The following SNAP25 variants were observed in gnomAD, a reference collection of about 807,000 sequenced individuals.
The protein encoded by SNAP25 is synaptosomal-associated protein 25.
SNAP25 carries 3 observed loss-of-function variants against 28.7 expected under a neutral mutation model. That is an observed-to-expected ratio of 0.10 (90% CI 0.05 to 0.27). SNAP25 has a LOEUF of 0.27. SNAP25 is among the 10% of genes least tolerant of loss of function. SNAP25 has a pLI of 1.00. For missense variants in SNAP25, 117 were observed against 278.7 expected (o/e 0.42, Z 4.13); for synonymous variants, 61 against 88.1 (o/e 0.69, Z 1.72).
intron 1 of SNAP25, among the ~76,000 whole-genome samples, chr20:10,239,990 G>A (rs947550800): frequency 6.6e-6 from 1 of 152,154 alleles, no homozygotes. Flanking sequence ...TTCTTATCTC[G>A]CAGTTTTTGG....
intron 1 of SNAP25, among the ~76,000 whole-genome samples, chr20:10,260,593 G>A (rs79196581): frequency 0.015 from 2,339 of 152,052 alleles, 63 homozygotes; most frequent in African/African-American, 0.053. Context: ...GTTTTAACAA[G>A]TGCTACCCAT....
At chr20:10,287,823 G>A (rs1270904712) in intron 4 of SNAP25, among the ~76,000 whole-genome samples, 1 of 151,854 alleles carries the variant, frequency 6.6e-6, no homozygotes, top group Non-Finnish European at 1.5e-5. Context: ...GGAATACTAT[G>A]CAGCCATAAA....
chr20:10,258,706 C>T (rs1458823226), intron 1 of SNAP25, among the ~76,000 whole-genome samples: 2 of 152,330 alleles, frequency 1.3e-5, no homozygotes, highest in East Asian at 1.9e-4. Flanking sequence ...ACAGTAGTTA[C>T]TTACCTTAAG....
intron 3 of SNAP25, among the ~76,000 whole-genome samples, chr20:10,279,098 C>CACTGT (rs2063740029): frequency 6.6e-6 from 1 of 152,178 alleles, no homozygotes; most frequent in African/African-American, 2.4e-5. Flanking sequence ...ATTTTATCTG[C>CACTGT]ACTGTCCAGG....
At chr20:10,238,982 T>C (rs1048045946) in intron 1 of SNAP25, among the ~76,000 whole-genome samples, 1 of 152,104 alleles carries the variant, frequency 6.6e-6, no homozygotes, top group African/African-American at 2.4e-5. Context: ...CAGAAGCCAC[T>C]ATCAGTGAGT....
rs117692502 is a variant in SNAP25, at chr20:10,301,540, A to G, written c.552+2128A>G. On this transcript the variant is annotated intron_variant, in intron 7 of 7. Transcript: ENST00000254976. Reference sequence around the variant, plus strand: ...TTTCCACCTTCTCATTGAAGTTCTCATTTCTGATAACGGGACAGTATGTGG... The same window carrying G: ...TTTCCACCTTCTCATTGAAGTTCTCGTTTCTGATAACGGGACAGTATGTGG... 3.3e-3 allele frequency among the ~76,000 whole-genome samples: 502 copies of G among 152,164 alleles called. 4 individuals carry two copies. Among genetic ancestry groups the G allele is most frequent in the African/African-American group, 0.01 (425 of 41,508 alleles).
chr20:10,292,093 A>G (rs1448357994), intron 4 of SNAP25, among the ~76,000 whole-genome samples: 6 of 152,288 alleles, frequency 3.9e-5, no homozygotes, highest in East Asian at 3.9e-4. Context: ...TCATAATCCT[A>G]CTTCCAAAGA....
At chr20:10,284,392 G>A (rs533066657) in intron 3 of SNAP25, among the ~76,000 whole-genome samples, 6 of 152,272 alleles carry the variant, frequency 3.9e-5, no homozygotes, top group African/African-American at 1.4e-4. Flanking sequence ...TATAAAAACT[G>A]TAGACACGTT....
At chr20:10,297,886 G>T (rs1209469252) in intron 6 of SNAP25, among the ~76,000 whole-genome samples, 2 of 151,880 alleles carry the variant, frequency 1.3e-5, no homozygotes, top group Non-Finnish European at 2.9e-5. Context: ...AGAGAATAAT[G>T]AGCTTCTTAT....
intron 2 of SNAP25, among the ~76,000 whole-genome samples, chr20:10,277,469 C>T (rs536273188): frequency 2.0e-5 from 3 of 152,230 alleles, no homozygotes; most frequent in Admixed American, 2.0e-4. Flanking sequence ...TGAAGATAAG[C>T]TGTAATGTAA....
In SNAP25 at chr20:10,238,920, T is replaced by TAATAAC. The variant is rs1386869662; in HGVS notation, c.-64+19948_-64+19949insCAATAA. On this transcript the variant is annotated intron_variant, in intron 1 of 7. Transcript: ENST00000254976. ...ACTCCGTTTCAAATAATAATAATAA[T>TAATAAC]AATAATAATATCAATAAAGCATCAA... Among the ~76,000 whole-genome samples, 7 of 151,596 alleles carry TAATAAC rather than the reference T, an allele frequency of 4.6e-5. No individual in the cohort carries two copies. The East Asian group carries it at 1.4e-3, about 29-fold the overall frequency.
chr20:10,249,062 A>T (rs575184487), intron 1 of SNAP25, among the ~76,000 whole-genome samples: 1 of 152,272 alleles, frequency 6.6e-6, no homozygotes, highest in African/African-American at 2.4e-5. Context: ...TGTTATATCC[A>T]TTTTCCAGTT....
chr20:10,232,441 G>T (rs533225061), intron 1 of SNAP25, among the ~76,000 whole-genome samples: 1 of 152,190 alleles, frequency 6.6e-6, no homozygotes, highest in Non-Finnish European at 1.5e-5. Flanking sequence ...TCTCCAAAAG[G>T]TTGGGCTGAA....
chr20:10,244,812 C>T (rs1351734378), intron 1 of SNAP25, among the ~76,000 whole-genome samples: 1 of 151,090 alleles, frequency 6.6e-6, no homozygotes, highest in African/African-American at 2.4e-5. Context: ...TTCCCTGCAA[C>T]CTCCACCTCC....
At chr20:10,296,708 G>A in intron 5 of SNAP25, 1 of 578,034 alleles carries the variant, frequency 1.7e-6, no homozygotes, top group Non-Finnish European at 2.9e-6. Context: ...AAAGATTGCA[G>A]TCCATTGCAA....
chr20:10,245,261 C>T (rs2063106373), intron 1 of SNAP25, among the ~76,000 whole-genome samples: 1 of 152,192 alleles, frequency 6.6e-6, no homozygotes, highest in African/African-American at 2.4e-5. Flanking sequence ...CCTGCTCTCT[C>T]AATTTCTGAA....
chr20:10,224,177 T>C (rs899770705), intron 1 of SNAP25, among the ~76,000 whole-genome samples: 12 of 150,538 alleles, frequency 8.0e-5, no homozygotes, highest in South Asian at 2.1e-4. Flanking sequence ...GAGATTAAGC[T>C]ATGAAGTGTA....
intron 5 of SNAP25, 154 bp from the exon 6 acceptor site, chr20:10,296,771 C>T (rs1850034999): frequency 2.8e-6 from 3 of 1,083,386 alleles, no homozygotes; most frequent in Middle Eastern, 3.2e-4. Flanking sequence ...TGGTGGCCAA[C>T]TGTTTGGGTC....
intron 5 of SNAP25, among the ~76,000 whole-genome samples, chr20:10,295,540 G>C (rs2064090328): frequency 6.6e-6 from 1 of 152,098 alleles, no homozygotes; most frequent in African/African-American, 2.4e-5. Context: ...CTTGATTGTG[G>C]GAGTTGCTGA....
Sources: allele counts gnomAD v4.1 joint callset (sites outside exome capture counted in the v4.1 genomes callset), GRCh38; gene constraint gnomAD v4.1.1; transcripts MANE v1.5; gene names NCBI Gene and HGNC (gene_info 2026-07-23, HGNC 2026-07-21).